The following CTNNA2 variants were observed in gnomAD, a reference collection of about 807,000 sequenced individuals.
CTNNA2 encodes the protein catenin alpha 2.
CTNNA2 carries 42 observed loss-of-function variants against 101.0 expected under a neutral mutation model. That is an observed-to-expected ratio of 0.42 (90% CI 0.32 to 0.54). The LOEUF is 0.54. CTNNA2 is among the 20% of genes least tolerant of loss of function. The pLI is 0.14. For synonymous variants in CTNNA2, 450 were observed against 456.4 expected, an observed-to-expected ratio of 0.99 and a Z score of 0.18; for missense variants, 871 against 1,223.1, an observed-to-expected ratio of 0.71 and a Z score of 4.29.
intron 7 of CTNNA2, among the ~76,000 whole-genome samples, chr2:80,051,827 C>A (rs1322887138): frequency 6.6e-6 from 1 of 152,134 alleles, no homozygotes; most frequent in Non-Finnish European, 1.5e-5. Context: ...ATAAGATGTG[C>A]AGAAAAGTGC....
chr2:79,441,298 G>C (rs1456026185), intron 4 of CTNNA2, among the ~76,000 whole-genome samples: 1 of 152,050 alleles, frequency 6.6e-6, no homozygotes, highest in Non-Finnish European at 1.5e-5. Context: ...AACTTTTCTA[G>C]TTAGGCAATA....
intron 7 of CTNNA2, among the ~76,000 whole-genome samples, chr2:80,095,946 A>G (rs1290426703): frequency 1.3e-5 from 2 of 152,142 alleles, no homozygotes; most frequent in Non-Finnish European, 2.9e-5. Flanking sequence ...GATCTTTTCA[A>G]AAAACCAGCT....
intron 9 of CTNNA2, among the ~76,000 whole-genome samples, chr2:80,541,156 G>A (rs113087101): frequency 6.6e-6 from 1 of 152,192 alleles, no homozygotes; most frequent in Admixed American, 6.5e-5. Context: ...AGGGAAGGTA[G>A]GGATTTGGAT....
intron 7 of CTNNA2, among the ~76,000 whole-genome samples, chr2:80,123,114 G>A (rs1383172333): frequency 6.6e-6 from 1 of 152,160 alleles, no homozygotes; most frequent in Non-Finnish European, 1.5e-5. Flanking sequence ...ACAGGGAGAG[G>A]CTTAATTCAT....
intron 18 of CTNNA2, among the ~76,000 whole-genome samples, chr2:80,641,388 GACAT>G (rs1218908693): frequency 1.3e-5 from 2 of 151,992 alleles, no homozygotes; most frequent in Non-Finnish European, 2.9e-5. Flanking sequence ...TTTGAAAAAA[GACAT>G]ACAATGTGAA....
At chr2:80,315,233 T>C (rs1677997230) in intron 7 of CTNNA2, among the ~76,000 whole-genome samples, 2 of 152,284 alleles carry the variant, frequency 1.3e-5, no homozygotes, top group Admixed American at 1.3e-4. Context: ...GTTCCTACTT[T>C]AGAGGCTGCA....
chr2:79,267,320 C>T (rs1291988866), intron 2 of CTNNA2, among the ~76,000 whole-genome samples: 2 of 152,066 alleles, frequency 1.3e-5, no homozygotes, highest in Non-Finnish European at 2.9e-5. Context: ...AATAAAGACA[C>T]TGGCAGAGTC....
chr2:79,789,380 G>A (rs1013521689), intron 3 of CTNNA2, among the ~76,000 whole-genome samples: 4 of 152,316 alleles, frequency 2.6e-5, no homozygotes, highest in East Asian at 3.9e-4. Context: ...GGCAACAGAT[G>A]AGGCTTGCCA....
intron 4 of CTNNA2, among the ~76,000 whole-genome samples, chr2:79,488,318 C>CAAAAAAAAAAAAAAAAAAAAAAAAAAAAA (rs61641596): frequency 1.0e-5 from 1 of 99,874 alleles, no homozygotes. Flanking sequence ...AACTCCATCT[C>CAAAAAAAAAAAAAAAAAAAAAAAAAAAAA]AAAAAAAAAA....
At chr2:79,653,584 T>C (rs1681408521) in intron 2 of CTNNA2, among the ~76,000 whole-genome samples, 1 of 152,176 alleles carries the variant, frequency 6.6e-6, no homozygotes, top group Non-Finnish European at 1.5e-5. Context: ...TATATGGCAC[T>C]AGGAAAATGT....
intron 3 of CTNNA2, among the ~76,000 whole-genome samples, chr2:79,815,190 G>C (rs900279509): frequency 1.3e-5 from 2 of 152,112 alleles, no homozygotes; most frequent in African/African-American, 4.8e-5. Flanking sequence ...CAGATGTATA[G>C]ATTGTGAAGA....
At chr2:80,618,264 C>T (rs561417200) in intron 17 of CTNNA2, among the ~76,000 whole-genome samples, 1 of 151,926 alleles carries the variant, frequency 6.6e-6, no homozygotes, top group Non-Finnish European at 1.5e-5. Flanking sequence ...TGTAACTTGA[C>T]CTCTGAGAGT....
intron 7 of CTNNA2, among the ~76,000 whole-genome samples, chr2:80,168,261 C>G (rs1055716728): frequency 6.6e-6 from 1 of 152,140 alleles, no homozygotes; most frequent in Non-Finnish European, 1.5e-5. Context: ...CTGGAAGACT[C>G]TCTGACCCTA....
chr2:79,720,980 C>T (rs1686445462), intron 2 of CTNNA2, among the ~76,000 whole-genome samples: 1 of 151,610 alleles, frequency 6.6e-6, no homozygotes, highest in Non-Finnish European at 1.5e-5. Context: ...ATAAAAAGAA[C>T]ATCATGTATA....
intron 7 of CTNNA2, chr2:80,304,102 GA>G (rs766640093): frequency 1.3e-3 from 434 of 335,312 alleles, no homozygotes; most frequent in Middle Eastern, 1.6e-3. Context: ...GAAAAGGGAG[GA>G]AAAAAAAAAT....
chr2:79,965,274 G>T (rs1381844358), intron 7 of CTNNA2, among the ~76,000 whole-genome samples: 3 of 152,184 alleles, frequency 2.0e-5, no homozygotes, highest in African/African-American at 7.2e-5. Flanking sequence ...TATTTAGCAT[G>T]CCTTGACATA....
intron 17 of CTNNA2, among the ~76,000 whole-genome samples, chr2:80,618,526 GT>G (rs1699037196): frequency 6.6e-6 from 1 of 151,862 alleles, no homozygotes; most frequent in South Asian, 2.1e-4. Flanking sequence ...AGTCAAAAGA[GT>G]TGCAATTGTA....
intron 7 of CTNNA2, among the ~76,000 whole-genome samples, chr2:80,139,709 G>T (rs987363325): frequency 3.9e-5 from 6 of 152,122 alleles, no homozygotes; most frequent in African/African-American, 1.4e-4. Flanking sequence ...AAAAGGAGCT[G>T]CACACCCTAA....
chr2:79,477,901 T>A (rs1671067807), intron 4 of CTNNA2, among the ~76,000 whole-genome samples: 1 of 152,220 alleles, frequency 6.6e-6, no homozygotes, highest in East Asian at 1.9e-4. Flanking sequence ...TGGGACTAGT[T>A]TTGCCCCAGC....
Sources: allele counts gnomAD v4.1 joint callset (sites outside exome capture counted in the v4.1 genomes callset), GRCh38; gene constraint gnomAD v4.1.1; transcripts MANE v1.5; gene names NCBI Gene and HGNC (gene_info 2026-07-23, HGNC 2026-07-21).